TMCO5A: variants seen among roughly 807,000 people sequenced by gnomAD.
TMCO5A encodes transmembrane and coiled-coil domains 5A.
In TMCO5A, 34 loss-of-function variants were observed where a neutral mutation model predicts 42.3. The ratio of observed to expected loss-of-function variants is 0.80; its 90% CI spans 0.61 to 1.07. The LOEUF is 1.07. Among genes scored for constraint, TMCO5A ranks in the 50% least tolerant of loss-of-function variants. The pLI is 0.00. For synonymous variants in TMCO5A, 131 were observed against 115.6 expected, an observed-to-expected ratio of 1.13 and a Z score of -0.86; for missense variants, 357 against 327.9, an observed-to-expected ratio of 1.09 and a Z score of -0.69.
chr15:38,034,296 G>C, the TMCO5A span, among the ~76,000 whole-genome samples: 1 of 152,076 alleles, frequency 6.6e-6, no homozygotes, highest in African/African-American at 2.4e-5. Flanking sequence ...TTAATTTTAA[G>C]GGACACATTC....
chr15:37,985,448 A>G, the TMCO5A span, among the ~76,000 whole-genome samples: 6 of 152,174 alleles, frequency 3.9e-5, no homozygotes, highest in Non-Finnish European at 5.9e-5. Context: ...AAGCACATAA[A>G]ATTCCTAAGT....
chr15:38,019,722 C>T, the TMCO5A span, among the ~76,000 whole-genome samples: 2 of 151,980 alleles, frequency 1.3e-5, no homozygotes, highest in African/African-American at 4.8e-5. Context: ...GTCCTCTCAC[C>T]TCACCCTCCT....
chr15:37,980,238 C>T, the TMCO5A span, among the ~76,000 whole-genome samples: 1 of 152,126 alleles, frequency 6.6e-6, no homozygotes, highest in Non-Finnish European at 1.5e-5. Context: ...TCAGCCCTGT[C>T]GATTCAGCCT....
intron 3 of TMCO5A, 93 bp from the exon 4 acceptor site, chr15:37,936,754 G>A: frequency 6.5e-7 from 1 of 1,538,722 alleles, no homozygotes; most frequent in Non-Finnish European, 8.8e-7. Flanking sequence ...CATGTACACT[G>A]TCCCTGAAGT....
downstream of TMCO5A, among the ~76,000 whole-genome samples, chr15:37,970,837 C>A (rs753516106): frequency 2.0e-5 from 3 of 152,246 alleles, no homozygotes; most frequent in African/African-American, 7.2e-5. Context: ...ATATCCAGGT[C>A]ATGCTGATGC....
intron 9 of TMCO5A, 83 bp downstream of exon 9, chr15:37,942,338 T>C: frequency 7.3e-7 from 1 of 1,361,230 alleles, no homozygotes; most frequent in Non-Finnish European, 1.0e-6. Context: ...TCAGACCAAT[T>C]TCTATTTGGA....
the TMCO5A span, among the ~76,000 whole-genome samples, chr15:37,980,817 A>T: frequency 6.6e-6 from 1 of 152,162 alleles, no homozygotes; most frequent in African/African-American, 2.4e-5. Context: ...ACCCTGCCAC[A>T]TGATAATGCA....
chr15:37,948,926 G>C (rs957556185), intron 11 of TMCO5A, among the ~76,000 whole-genome samples: 1 of 152,034 alleles, frequency 6.6e-6, no homozygotes, highest in Non-Finnish European at 1.5e-5. Context: ...GTACTGAAAT[G>C]AGTGCTGGCT....
At chr15:37,983,914 G>C in the TMCO5A span, among the ~76,000 whole-genome samples, 1 of 151,844 alleles carries the variant, frequency 6.6e-6, no homozygotes, top group African/African-American at 2.4e-5. Flanking sequence ...TAGTAGAGAC[G>C]TAGAGACGGG....
exon 12 of TMCO5A, chr15:37,967,601 T>C (rs1043237452): frequency 1.4e-4 from 22 of 152,216 alleles, no homozygotes; most frequent in African/African-American, 4.8e-4. Context: ...TAAAAAATTC[T>C]ACCTATTAGC....
At chr15:37,987,189 C>T in the TMCO5A span, among the ~76,000 whole-genome samples, 1 of 151,958 alleles carries the variant, frequency 6.6e-6, no homozygotes, top group African/African-American at 2.4e-5. Context: ...TGCTTACTGA[C>T]CATTTGTTTA....
chr15:38,020,376 C>G, the TMCO5A span: 5 of 151,806 alleles, frequency 3.3e-5, no homozygotes, highest in Admixed American at 6.6e-5. Context: ...TTCAATGAAC[C>G]CTTGGAAGAA....
At chr15:37,958,544 C>A (rs1474876261) in intron 11 of TMCO5A, among the ~76,000 whole-genome samples, 2 of 151,960 alleles carry the variant, frequency 1.3e-5, no homozygotes, top group Non-Finnish European at 2.9e-5. Context: ...AATGAGATAC[C>A]ATCTCACATC....
intron 9 of TMCO5A, 108 bp from the exon 10 acceptor site, chr15:37,943,233 T>C (rs933412901): frequency 1.7e-5 from 16 of 967,516 alleles, no homozygotes; most frequent in African/African-American, 1.3e-4. Context: ...AGTTACAATA[T>C]TGGACAGTAC....
chr15:37,975,623 G>T, the TMCO5A span, among the ~76,000 whole-genome samples: 1 of 151,086 alleles, frequency 6.6e-6, no homozygotes, highest in African/African-American at 2.5e-5. Context: ...TTAAGTCTAT[G>T]GGTGTCATTA....
chr15:37,996,308 G>T, the TMCO5A span, among the ~76,000 whole-genome samples: 3 of 152,198 alleles, frequency 2.0e-5, no homozygotes, highest in African/African-American at 7.2e-5. Context: ...TCTAATAAGT[G>T]TTGCTGGGAA....
chr15:37,937,813 A>G (rs1471829762), intron 5 of TMCO5A, among the ~76,000 whole-genome samples: 1 of 152,106 alleles, frequency 6.6e-6, no homozygotes, highest in African/African-American at 2.4e-5. Flanking sequence ...CAATGCCTCA[A>G]TACCTCCTCA....
At chr15:38,025,575 A>AT in the TMCO5A span, among the ~76,000 whole-genome samples, 16 of 152,186 alleles carry the variant, frequency 1.1e-4, no homozygotes, top group Admixed American at 3.9e-4. Flanking sequence ...TAAAATATGT[A>AT]TTTTTTAAAA....
the TMCO5A span, among the ~76,000 whole-genome samples, chr15:38,013,042 T>C: frequency 2.0e-5 from 3 of 152,044 alleles, no homozygotes; most frequent in Admixed American, 6.6e-5. Flanking sequence ...TCACAGTTGG[T>C]CCATAGTCTG....
Sources: allele counts gnomAD v4.1 joint callset (sites outside exome capture counted in the v4.1 genomes callset), GRCh38; gene constraint gnomAD v4.1.1; transcripts MANE v1.5; gene names NCBI Gene and HGNC (gene_info 2026-07-23, HGNC 2026-07-21).